Variants in PRKCH observed in about 807,000 individuals in gnomAD.
The protein encoded by PRKCH is protein kinase C eta, also known as protein kinase C eta type.
In PRKCH, 28 loss-of-function variants were observed where a neutral mutation model predicts 82.5. That is an observed-to-expected ratio of 0.34 (90% CI 0.25 to 0.47). PRKCH has a LOEUF of 0.47. PRKCH is among the 20% of genes least tolerant of loss of function. PRKCH has a pLI of 1.00. For synonymous variants in PRKCH, 322 were observed against 327.4 expected (o/e 0.98, Z 0.18); for missense variants, 705 against 881.8 (o/e 0.80, Z 2.54).
intron 1 of PRKCH, among the ~76,000 whole-genome samples, chr14:61,369,542 C>T (rs1286859970): frequency 6.6e-6 from 1 of 152,032 alleles, no homozygotes; most frequent in Non-Finnish European, 1.5e-5. Flanking sequence ...TTAACTTTTC[C>T]CAGCCTTGAT....
chr14:61,508,156 A>G (rs1416545268), intron 10 of PRKCH, among the ~76,000 whole-genome samples: 2 of 151,050 alleles, frequency 1.3e-5, no homozygotes, highest in East Asian at 1.9e-4. Flanking sequence ...TAACATGGCA[A>G]TTGACATGGC....
At chr14:61,375,012 C>T (rs966085620) in intron 1 of PRKCH, among the ~76,000 whole-genome samples, 1 of 152,050 alleles carries the variant, frequency 6.6e-6, no homozygotes, top group East Asian at 1.9e-4. Flanking sequence ...CACACCATCC[C>T]TTTCTTCACT....
intron 2 of PRKCH, among the ~76,000 whole-genome samples, chr14:61,430,953 G>A (rs867761558): frequency 2.0e-5 from 3 of 152,058 alleles, no homozygotes; most frequent in African/African-American, 7.2e-5. Context: ...ATGGGGTTTC[G>A]CCATGTTGGC....
intron 1 of PRKCH, among the ~76,000 whole-genome samples, chr14:61,371,413 T>C (rs2046363216): frequency 6.6e-6 from 1 of 152,094 alleles, no homozygotes; most frequent in Non-Finnish European, 1.5e-5. Flanking sequence ...ATCATGTTTA[T>C]ATGTCTGCTT....
At chr14:61,495,310 T>C (rs957388214) in intron 10 of PRKCH, among the ~76,000 whole-genome samples, 4 of 152,234 alleles carry the variant, frequency 2.6e-5, no homozygotes, top group Non-Finnish European at 5.9e-5. Context: ...TTTGGCCTTT[T>C]CATCAGTGAA....
At chr14:61,386,782 C>T (rs78754671) in intron 1 of PRKCH, among the ~76,000 whole-genome samples, 1,702 of 152,158 alleles carry the variant, frequency 0.011, 20 homozygotes, top group African/African-American at 0.039. Flanking sequence ...GGGGATAGCA[C>T]GGATGTTAGA....
chr14:61,548,168 G>A (rs148567274), intron 13 of PRKCH, among the ~76,000 whole-genome samples: 3 of 152,376 alleles, frequency 2.0e-5, no homozygotes, highest in Admixed American at 6.5e-5. Flanking sequence ...TAAGAGGCCT[G>A]AAACTTTCCA....
intron 2 of PRKCH, 56 bp from the exon 3 acceptor site, chr14:61,443,055 T>C: frequency 6.6e-7 from 1 of 1,513,310 alleles, no homozygotes; most frequent in South Asian, 1.2e-5. Context: ...TCTCATCTAT[T>C]AGGTGCGTTA....
chr14:61,433,052 A>AAAAAAAAAAAC (rs1012843573), intron 2 of PRKCH, among the ~76,000 whole-genome samples: 2,406 of 149,628 alleles, frequency 0.016, 114 homozygotes, highest in African/African-American at 0.058. Context: ...TCAAAAAAAA[A>AAAAAAAAAAAC]AAAAAAAAAC....
At chr14:61,515,433 A>T (rs1441588789) in intron 10 of PRKCH, among the ~76,000 whole-genome samples, 2 of 152,212 alleles carry the variant, frequency 1.3e-5, no homozygotes, top group Non-Finnish European at 2.9e-5. Flanking sequence ...ACAGTCTAGG[A>T]TGAACCGAAT....
intron 10 of PRKCH, among the ~76,000 whole-genome samples, chr14:61,512,870 A>G (rs1464496808): frequency 2.0e-5 from 3 of 152,070 alleles, no homozygotes; most frequent in African/African-American, 7.3e-5. Context: ...TCTGTCCCCC[A>G]GGCTGGAGTG....
At chr14:61,525,487 C>T (rs1403596058) in intron 10 of PRKCH, among the ~76,000 whole-genome samples, 5 of 152,146 alleles carry the variant, frequency 3.3e-5, no homozygotes, top group African/African-American at 4.8e-5. Context: ...CTGTCTTGCC[C>T]ACTTGCGTCT....
intron 9 of PRKCH, among the ~76,000 whole-genome samples, chr14:61,473,048 G>A (rs776951531): frequency 1.3e-5 from 2 of 152,218 alleles, no homozygotes; most frequent in Non-Finnish European, 2.9e-5. Flanking sequence ...AGGAGGGGCT[G>A]TGTGAGCTGT....
intron 10 of PRKCH, among the ~76,000 whole-genome samples, chr14:61,496,784 G>C (rs890062102): frequency 2.0e-5 from 3 of 152,148 alleles, no homozygotes; most frequent in Non-Finnish European, 4.4e-5. Flanking sequence ...TTTATTTTAA[G>C]ATGACAGGTC....
At chr14:61,391,493 C>G (rs1261902915) in intron 2 of PRKCH, among the ~76,000 whole-genome samples, 1 of 152,202 alleles carries the variant, frequency 6.6e-6, no homozygotes, top group Non-Finnish European at 1.5e-5. Flanking sequence ...CTAAATCTGG[C>G]AATCTCACGT....
At chr14:61,284,194 G>T (rs1004634000) in intron 1 of PRKCH, among the ~76,000 whole-genome samples, 1 of 152,206 alleles carries the variant, frequency 6.6e-6, no homozygotes, top group Non-Finnish European at 1.5e-5. Flanking sequence ...ATGCAGCTGG[G>T]TATTGGGCTC....
chr14:61,340,189 C>T (rs139149613), intron 1 of PRKCH, among the ~76,000 whole-genome samples: 87 of 151,990 alleles, frequency 5.7e-4, no homozygotes, highest in Non-Finnish European at 8.4e-4. Context: ...ACTGCGCTGG[C>T]GAAGCCCAGG....
intron 1 of PRKCH, among the ~76,000 whole-genome samples, chr14:61,337,998 C>T (rs373478160): frequency 3.3e-5 from 5 of 152,126 alleles, no homozygotes; most frequent in Non-Finnish European, 5.9e-5. Flanking sequence ...CCTTGCCGGG[C>T]CTCCTCGCCT....
chr14:61,416,443 G>A (rs1238095567), intron 2 of PRKCH, among the ~76,000 whole-genome samples: 1 of 151,940 alleles, frequency 6.6e-6, no homozygotes, highest in Admixed American at 6.6e-5. Flanking sequence ...TGGGTGCTTG[G>A]GTTATTCACT....
Sources: gnomAD v4.1 joint callset for allele counts (sites outside exome capture counted in the v4.1 genomes callset) on GRCh38, gnomAD v4.1.1 for gene constraint, MANE v1.5 for transcripts, NCBI Gene and HGNC (gene_info 2026-07-23, HGNC 2026-07-21) for gene names.